The following ZNF331 variants were observed in gnomAD, a reference collection of about 807,000 sequenced individuals.
ZNF331 encodes the protein zinc finger protein 331, also known as C2H2-like zinc finger protein rearranged in thyroid adenomas.
In ZNF331, 2 loss-of-function variants were observed where a neutral mutation model predicts 7.0. The observed-to-expected ratio is 0.29, with a 90% CI of 0.12 to 0.90. The LOEUF is 0.90. ZNF331 is among the 40% of genes least tolerant of loss of function. The pLI is 0.58. For synonymous variants in ZNF331, 196 were observed against 205.4 expected (o/e 0.95, Z 0.39); for missense variants, 432 against 587.7 (o/e 0.74, Z 2.74).
At chr19:53,510,031 C>A in the ZNF331 span, among the ~76,000 whole-genome samples, 1 of 152,294 alleles carries the variant, frequency 6.6e-6, no homozygotes, top group Middle Eastern at 3.4e-3. Flanking sequence ...ATGATACAAT[C>A]ACCTGCCACC....
chr19:53,543,202 A>T (rs1213587645), intron 2 of ZNF331, among the ~76,000 whole-genome samples: 1 of 152,098 alleles, frequency 6.6e-6, no homozygotes, highest in Non-Finnish European at 1.5e-5. Context: ...AGGCAGGAGG[A>T]TCGCTTGAGC....
At position 53,560,266 on chromosome 19, in the gene ZNF331, A is replaced by G. The variant is rs904780738; in HGVS notation, c.-74+4358A>G. ...ATATACACACACCATGCACCCACAT[A>G]TATACACACACCATATATATGCACA... On this transcript the variant is annotated intron_variant, in intron 3 of 5. Coordinates refer to ENST00000449416, the MANE Select transcript of ZNF331 (RefSeq NM_001079906.2). The surrounding 1 kb of genome is among the most constrained non-coding windows in gnomAD (Gnocchi z 4.3). Among the ~76,000 whole-genome samples the G allele has an allele frequency of 6.6e-6, 1 of 151,898 alleles. No homozygotes were observed. Among genetic ancestry groups the G allele is most frequent in the Non-Finnish European group, 1.5e-5 (1 of 67,946 alleles).
the ZNF331 span, among the ~76,000 whole-genome samples, chr19:53,506,347 A>AG: frequency 6.7e-6 from 1 of 150,274 alleles, no homozygotes; most frequent in Non-Finnish European, 1.5e-5. Flanking sequence ...AAAAAAAAAA[A>AG]AAAAAGAAAA....
At chr19:53,507,228 T>A in the ZNF331 span, among the ~76,000 whole-genome samples, 4 of 152,146 alleles carry the variant, frequency 2.6e-5, no homozygotes, top group African/African-American at 9.7e-5. Flanking sequence ...GGGGTCCTAG[T>A]TGCCCTGACG....
At chr19:53,503,880 G>A in the ZNF331 span, 2 of 684,334 alleles carry the variant, frequency 2.9e-6, no homozygotes, top group Non-Finnish European at 5.3e-6. Flanking sequence ...AAAGATCTGG[G>A]ATACTGTTCT....
chr19:53,508,254 C>G, the ZNF331 span, among the ~76,000 whole-genome samples: 1 of 152,262 alleles, frequency 6.6e-6, no homozygotes, highest in South Asian at 2.1e-4. Flanking sequence ...GGCCCCTGAC[C>G]ATTCCTGGCA....
chr19:53,534,518 C>T (rs141301829), upstream of ZNF331, among the ~76,000 whole-genome samples: 1,927 of 152,204 alleles, frequency 0.013, 18 homozygotes, highest in Non-Finnish European at 0.019. Flanking sequence ...AACTCTTGAC[C>T]TCAAGTGATC....
intron 2 of ZNF331, among the ~76,000 whole-genome samples, chr19:53,528,533 A>G (rs2087396213): frequency 6.6e-6 from 1 of 152,238 alleles, no homozygotes; most frequent in East Asian, 1.9e-4. Flanking sequence ...CAGTGAGGAA[A>G]AAGACACTGC....
Position 53,577,833 on chromosome 19 carries a change from C to G in ZNF331, c.1273C>G (p.Gln425Glu). ...ECGKSFSHGH[Q>E]LTQHQKTHSG... ...TGGGAAGAGCTTTAGTCACGGCCATCAGCTTACACAACATCAGAAAACGCA... is the reference window on the plus strand; with the variant it reads ...TGGGAAGAGCTTTAGTCACGGCCATGAGCTTACACAACATCAGAAAACGCA... Residue 425 changes from glutamine to glutamate, a missense_variant, in exon 6 of 6, where the codon CAG becomes GAG. Gln to Glu is a conservative substitution (Grantham distance 29). This residue lies in a region of ZNF331 where 312 missense variants were observed against 448.6 expected (regional missense o/e 0.70). Coordinates refer to ENST00000449416, the MANE Select transcript of ZNF331 (RefSeq NM_001079906.2). 1 of 1,613,792 alleles carries G rather than the reference C, an allele frequency of 6.2e-7. No individual in the cohort carries two copies. Among genetic ancestry groups the G allele is most frequent in the Non-Finnish European group, 8.5e-7 (1 of 1,180,008 alleles).
chr19:53,553,150 CTAATT>C (rs1432046952), intron 2 of ZNF331, among the ~76,000 whole-genome samples: 1 of 152,062 alleles, frequency 6.6e-6, no homozygotes, highest in African/African-American at 2.4e-5. Flanking sequence ...ATATAACAGA[CTAATT>C]TATTTATTCT....
At chr19:53,516,486 T>C (rs1429841527), upstream of ZNF331, among the ~76,000 whole-genome samples, 1 of 151,900 alleles carries the variant, frequency 6.6e-6, no homozygotes, top group Non-Finnish European at 1.5e-5. Flanking sequence ...CCTATGGTTT[T>C]AAAAAATGCA....
At chr19:53,509,738 T>C in the ZNF331 span, among the ~76,000 whole-genome samples, 1 of 152,178 alleles carries the variant, frequency 6.6e-6, no homozygotes, top group Admixed American at 6.5e-5. Flanking sequence ...TCTGATCACA[T>C]GTGGAAGATG....
chr19:53,550,434 A>G lies in ZNF331; in HGVS notation c.-137-5411A>G, dbSNP rs756309935. Among the ~76,000 whole-genome samples, 22 of 151,848 alleles carry G rather than the reference A, an allele frequency of 1.4e-4. 1 individual carries two copies. The highest frequency in any genetic ancestry group is 3.4e-3 in the Middle Eastern group (1 of 294). The stretch of plus-strand genomic sequence containing the variant: ...TCCAATGCTGGATGCATACATATCT[A>G]TAATTAATATATCATCTTGACTGAT... On this transcript the variant is annotated intron_variant, in intron 2 of 5. Transcript: ENST00000449416.
chr19:53,550,470 T>C (rs79819086), intron 2 of ZNF331, among the ~76,000 whole-genome samples: 15,907 of 151,670 alleles, frequency 0.1, 1,050 homozygotes, highest in East Asian at 0.2. Flanking sequence ...GGACTAATTT[T>C]ATTATATAAT....
chr19:53,536,619 ACTGGGT>A (rs1225216379), upstream of ZNF331, among the ~76,000 whole-genome samples: 1 of 152,106 alleles, frequency 6.6e-6, no homozygotes, highest in East Asian at 1.9e-4. Context: ...ATTATTCTCG[ACTGGGT>A]GTGGTGGCTC....
At chr19:53,568,284 G>A (rs182157873) in intron 3 of ZNF331, among the ~76,000 whole-genome samples, 11 of 152,122 alleles carry the variant, frequency 7.2e-5, no homozygotes, top group Non-Finnish European at 1.5e-5. Flanking sequence ...AGTCCAGGAG[G>A]GTTCCAGACA....
At chr19:53,517,209 ATAGTAGTTGTATAGT>A (rs1169662702), upstream of ZNF331, among the ~76,000 whole-genome samples, 2 of 152,262 alleles carry the variant, frequency 1.3e-5, no homozygotes, top group East Asian at 3.9e-4. Flanking sequence ...ACAGAGTTGT[ATAGTAGTTGTATAGT>A]TAGTAGTTGT....
chr19:53,545,957 C>G (rs1319213647), intron 2 of ZNF331, among the ~76,000 whole-genome samples: 1 of 151,910 alleles, frequency 6.6e-6, no homozygotes, highest in Non-Finnish European at 1.5e-5. Flanking sequence ...ACGTTAGTCC[C>G]CAAGAACTCT....
At chr19:53,520,252 G>C (rs530472461), upstream of ZNF331, among the ~76,000 whole-genome samples, 1 of 151,948 alleles carries the variant, frequency 6.6e-6, no homozygotes, top group Non-Finnish European at 1.5e-5. Context: ...TCACCATGTT[G>C]GGCAGGAGGG....
Sources: allele counts gnomAD v4.1 joint callset (sites outside exome capture counted in the v4.1 genomes callset), GRCh38; gene constraint gnomAD v4.1.1; regional missense constraint gnomAD v4.1.1; non-coding constraint Gnocchi (gnomAD v3.1); transcripts MANE v1.5; gene names NCBI Gene and HGNC (gene_info 2026-07-23, HGNC 2026-07-21).